The following LMO3 variants were observed in gnomAD, a reference collection of about 807,000 sequenced individuals.
LMO3 encodes LIM domain only 3.
Under a neutral mutation model 15.8 loss-of-function variants are expected in LMO3, and 2 were observed. The ratio of observed to expected loss-of-function variants is 0.13; its 90% CI spans 0.05 to 0.40. LMO3 has a LOEUF of 0.40. Among genes scored for constraint, LMO3 ranks in the 10% least tolerant of loss-of-function variants. The pLI is 0.99. For missense variants in LMO3, 86 were observed against 182.2 expected, an observed-to-expected ratio of 0.47 and a Z score of 3.04; for synonymous variants, 62 against 63.8, an observed-to-expected ratio of 0.97 and a Z score of 0.13.
intron 2 of LMO3, among the ~76,000 whole-genome samples, chr12:16,566,039 T>TATATATATATATATAA (rs1565488437): frequency 1.2e-5 from 1 of 86,506 alleles, no homozygotes; most frequent in Non-Finnish European, 2.3e-5. Context: ...TATATATATA[T>TATATATATATATATAA]AAAATGGAGT....
chr12:16,565,245 G>C (rs932917966), intron 2 of LMO3, among the ~76,000 whole-genome samples: 1 of 152,216 alleles, frequency 6.6e-6, no homozygotes, highest in African/African-American at 2.4e-5. Context: ...ACTTTTGACT[G>C]TTGGATGGAA....
At chr12:16,566,925 A>G (rs1197205946) in intron 2 of LMO3, among the ~76,000 whole-genome samples, 1 of 152,228 alleles carries the variant, frequency 6.6e-6, no homozygotes, top group Admixed American at 6.6e-5. Flanking sequence ...AACTACCAAA[A>G]GCCCATGCTA....
intron 3 of LMO3, among the ~76,000 whole-genome samples, chr12:16,552,203 A>G (rs1942013363): frequency 6.6e-6 from 1 of 152,066 alleles, no homozygotes; most frequent in Admixed American, 6.6e-5. Context: ...TGGTACATTT[A>G]ACAATAAAGT....
chr12:16,559,040 C>T lies in LMO3; in HGVS notation c.332+1373G>A, dbSNP rs1942295462. Among the ~76,000 whole-genome samples, 1 of 152,146 alleles carries T rather than the reference C, an allele frequency of 6.6e-6. No homozygotes were observed. Among genetic ancestry groups the T allele is most frequent in the Non-Finnish European group, 1.5e-5 (1 of 68,002 alleles). On this transcript the variant is annotated intron_variant, in intron 3 of 3. Coordinates refer to ENST00000537304, the MANE Select transcript of LMO3 (RefSeq NM_018640.5). The surrounding 1 kb of genome is among the most constrained non-coding windows in gnomAD (Gnocchi z 4.1). ...CCGTTCTCACTAGAAATGTCACATT[C>T]TTTCTACTATTCTACAGGGTCTCAT... is the stretch of plus-strand genomic sequence containing the variant.
chr12:16,566,426 AT>A (rs1250976886), intron 2 of LMO3, among the ~76,000 whole-genome samples: 1 of 152,108 alleles, frequency 6.6e-6, no homozygotes, highest in African/African-American at 2.4e-5. Context: ...ACACAAAAAA[AT>A]GATAAATAAT....
At position 16,548,570 on chromosome 12, in the gene LMO3, C is replaced by A. The variant is rs760058958; in HGVS notation, c.*2652G>T. ...TGCGAGATGCATCTTAGGAAGGGAG[C>A]TTTCGCTGCTCAGAAATCAAAGCTC... On this transcript the variant is annotated 3_prime_UTR_variant, in exon 4 of 4. Coordinates refer to ENST00000537304, the MANE Select transcript of LMO3 (RefSeq NM_018640.5). This position sits in a 1 kb window ranked among gnomAD's most constrained non-coding sequence, Gnocchi z 4.2. The A allele has an allele frequency of 2.2e-4, 33 of 152,088 alleles. No homozygotes were observed. The highest frequency in any genetic ancestry group is 4.0e-4 in the Non-Finnish European group (27 of 68,014). 9.4% of individuals were successfully genotyped at this position (152,088 alleles called of 1,614,324 possible). A position where few individuals can be genotyped will look rare whatever the true frequency, so the allele number is the denominator to read the frequency against.
At chr12:16,605,838 C>T (rs1943977672) in intron 1 of LMO3, 2 of 1,534,780 alleles carry the variant, frequency 1.3e-6, no homozygotes, top group Non-Finnish European at 1.7e-6. Flanking sequence ...TATTTCATGT[C>T]TCATCATAAA....
At position 16,599,507 on chromosome 12, in the gene LMO3, C is replaced by T. The variant is rs1943756972; in HGVS notation, c.206+1148G>A. ...CGACCAAATTCCCTAGAAAACACCT[C>T]ATCAAATGACCAAGGTACTAAAGGA... On this transcript the variant is annotated intron_variant, in intron 2 of 3. Transcript: ENST00000537304. This position sits in a 1 kb window ranked among gnomAD's most constrained non-coding sequence, Gnocchi z 4.1. 1 of 152,102 alleles carries T rather than the reference C, an allele frequency of 6.6e-6. No homozygotes were observed. The highest frequency in any genetic ancestry group is 1.5e-5 in the Non-Finnish European group (1 of 68,024). The allele number at this position is 152,102 out of a possible 1,614,324, so 9.4% of individuals were successfully genotyped here.
rs575048285 is a variant in LMO3 at position 16,591,305 on chromosome 12, G to A, written c.206+9350C>T. On this transcript the variant is annotated intron_variant, in intron 2 of 3. Coordinates refer to ENST00000537304, the MANE Select transcript of LMO3 (RefSeq NM_018640.5). This position sits in a 1 kb window ranked among gnomAD's most constrained non-coding sequence, Gnocchi z 4.1. ...TGAGCCCAGAATGTCCTTCCCATAC[G>A]TGATCATGGCTAGCTCCTTCACTTT... 6.6e-6 allele frequency among the ~76,000 whole-genome samples: 1 copy of A among 151,786 alleles called. No individual in the cohort carries two copies. Among genetic ancestry groups the A allele is most frequent in the African/African-American group, 2.4e-5 (1 of 41,336 alleles).
upstream of LMO3, chr12:16,606,943 A>G (rs1944021160): frequency 6.6e-6 from 1 of 152,212 alleles, no homozygotes; most frequent in African/African-American, 2.4e-5. Context: ...TTCCAAAGCC[A>G]TTTCTGAAGC....
chr12:16,554,655 C>T (rs894456551), intron 3 of LMO3, among the ~76,000 whole-genome samples: 3 of 152,210 alleles, frequency 2.0e-5, no homozygotes, highest in Admixed American at 2.0e-4. Flanking sequence ...TCCACTATAT[C>T]TATTCACATT....
intron 3 of LMO3, 78 bp from the exon 4 acceptor site, chr12:16,551,405 T>C: frequency 1.1e-6 from 1 of 884,684 alleles, no homozygotes; most frequent in Non-Finnish European, 1.8e-6. Flanking sequence ...TATTTTCCTA[T>C]TAATAGTTTC....
intron 3 of LMO3, among the ~76,000 whole-genome samples, chr12:16,554,656 T>G (rs1441102461): frequency 6.6e-6 from 1 of 152,200 alleles, no homozygotes; most frequent in African/African-American, 2.4e-5. Context: ...CCACTATATC[T>G]ATTCACATTT....
intron 2 of LMO3, among the ~76,000 whole-genome samples, chr12:16,577,564 T>C (rs568640855): frequency 5.3e-5 from 8 of 152,264 alleles, no homozygotes; most frequent in Admixed American, 5.2e-4. Context: ...TTGTATATAA[T>C]AAAACAAATA....
rs1943657639 is a variant in LMO3, at chr12:16,596,350, TTA to T, written c.206+4303_206+4304del. 6.6e-6 allele frequency among the ~76,000 whole-genome samples: 1 copy of T among 151,658 alleles called. No homozygotes were observed. Among genetic ancestry groups the T allele is most frequent in the Non-Finnish European group, 1.5e-5 (1 of 67,640 alleles). The stretch of plus-strand genomic sequence containing the variant: ...TAAAAATAGCAAATTGCATTAAATT[TTA>T]TATAAGACATTTTACAGCTTCTTAT... On this transcript the variant is annotated intron_variant, in intron 2 of 3. Coordinates refer to ENST00000537304, the MANE Select transcript of LMO3 (RefSeq NM_018640.5). This position sits in a 1 kb window ranked among gnomAD's most constrained non-coding sequence, Gnocchi z 4.3.
chr12:16,606,323 G>A (rs987265678), upstream of LMO3: 1 of 153,436 alleles, frequency 6.5e-6, no homozygotes, highest in African/African-American at 2.4e-5. Flanking sequence ...CTCCGTCCTG[G>A]TTCAAGACAA....
In LMO3 at chr12:16,587,459, A is replaced by T. The variant is rs755356793; in HGVS notation, c.206+13196T>A. ...CTAGAGAGCAAGGAATTCAAGTTCG[A>T]TTTTTTTTTCTTTTACTTTGCCTAC... is the stretch of plus-strand genomic sequence containing the variant. On this transcript the variant is annotated intron_variant, in intron 2 of 3. Coordinates refer to ENST00000537304, the MANE Select transcript of LMO3 (RefSeq NM_018640.5). The surrounding 1 kb of genome is among the most constrained non-coding windows in gnomAD (Gnocchi z 4.3). Among the ~76,000 whole-genome samples, 2 of 151,508 alleles carry T rather than the reference A, an allele frequency of 1.3e-5. No homozygotes were observed. Among genetic ancestry groups the T allele is most frequent in the African/African-American group, 2.4e-5 (1 of 41,230 alleles).
intron 1 of LMO3, among the ~76,000 whole-genome samples, chr12:16,601,435 T>C (rs1943821421): frequency 1.3e-5 from 2 of 152,208 alleles, no homozygotes; most frequent in South Asian, 2.1e-4. Context: ...CAATCCTATA[T>C]TTCTTGCTTG....
chr12:16,569,495 C>G (rs1340890667), intron 2 of LMO3, among the ~76,000 whole-genome samples: 1 of 152,120 alleles, frequency 6.6e-6, no homozygotes, highest in East Asian at 1.9e-4. Flanking sequence ...CTTCTCATAC[C>G]CATTTTCCAA....
Sources: gnomAD v4.1 joint callset for allele counts (sites outside exome capture counted in the v4.1 genomes callset) on GRCh38, gnomAD v4.1.1 for gene constraint, Gnocchi (gnomAD v3.1) non-coding constraint, MANE v1.5 for transcripts, NCBI Gene and HGNC (gene_info 2026-07-23, HGNC 2026-07-21) for gene names.